Variants in LRP1B observed in about 807,000 individuals in gnomAD.
LRP1B encodes low-density lipoprotein receptor-related protein 1B.
A neutral mutation model predicts 556.6 loss-of-function variants in LRP1B; 217 were observed. The ratio of observed to expected loss-of-function variants is 0.39; its 90% CI spans 0.35 to 0.44. The LOEUF is 0.44. Ranked by LOEUF, LRP1B falls within the 20% of genes least tolerant of loss-of-function variation. The pLI is 1.00. For missense variants in LRP1B, 5,053 were observed against 5,620.8 expected, an observed-to-expected ratio of 0.90 and a Z score of 3.23; for synonymous variants, 2,047 against 1,865.8, an observed-to-expected ratio of 1.10 and a Z score of -2.50.
intron 2 of LRP1B, among the ~76,000 whole-genome samples, chr2:141,704,673 T>C (rs949316468): frequency 5.9e-5 from 9 of 151,960 alleles, no homozygotes; most frequent in Admixed American, 1.3e-4. Flanking sequence ...TCAGACTAGA[T>C]GCCTGAAAGC....
chr2:141,472,857 A>C (rs1318625169), intron 3 of LRP1B, among the ~76,000 whole-genome samples: 1 of 152,146 alleles, frequency 6.6e-6, no homozygotes, highest in Non-Finnish European at 1.5e-5. Flanking sequence ...ATTCTTAAAA[A>C]ATAATTCTGT....
intron 1 of LRP1B, among the ~76,000 whole-genome samples, chr2:141,990,400 T>C (rs1702311264): frequency 6.6e-6 from 1 of 152,084 alleles, no homozygotes; most frequent in Non-Finnish European, 1.5e-5. Flanking sequence ...AGCTATCCAT[T>C]TTTAAAATTT....
chr2:140,727,178 T>C (rs1248588356), intron 35 of LRP1B, among the ~76,000 whole-genome samples: 1 of 152,210 alleles, frequency 6.6e-6, no homozygotes, highest in East Asian at 1.9e-4. Flanking sequence ...GAAATCTCTT[T>C]TTGAGTAGAT....
At chr2:141,915,858 A>G (rs13015563) in intron 1 of LRP1B, among the ~76,000 whole-genome samples, 12 of 152,294 alleles carry the variant, frequency 7.9e-5, no homozygotes, top group African/African-American at 2.9e-4. Context: ...TCAGAGAAAT[A>G]CAAATCCAAA....
At chr2:140,605,784 G>A (rs1682846703) in intron 41 of LRP1B, among the ~76,000 whole-genome samples, 1 of 151,476 alleles carries the variant, frequency 6.6e-6, no homozygotes, top group Admixed American at 6.6e-5. Context: ...TTGAATGACG[G>A]GCTTATTTGA....
intron 43 of LRP1B, among the ~76,000 whole-genome samples, chr2:140,561,833 A>AAT (rs1680942589): frequency 6.6e-6 from 1 of 152,128 alleles, no homozygotes; most frequent in African/African-American, 2.4e-5. Context: ...CTACCAATCT[A>AAT]AATATTTTAA....
chr2:141,193,297 G>A (rs2105206174), intron 6 of LRP1B, among the ~76,000 whole-genome samples: 1 of 151,974 alleles, frequency 6.6e-6, no homozygotes, highest in South Asian at 2.1e-4. Flanking sequence ...GTTTAACACA[G>A]CACTATAAGC....
rs1175670259 is a variant in LRP1B at position 140,864,681 on chromosome 2, CTTAA to C, written c.4579+2905_4579+2908del. Among the ~76,000 whole-genome samples the C allele has an allele frequency of 3.9e-5, 6 of 151,946 alleles. No homozygotes were observed. In the Middle Eastern group the frequency reaches 0.01, roughly 260 times the overall value. ...CTATTATTTTTTAATATACCTGAAACTTAATTAATAGTTGTATTTTACTGATAAA... is the reference window on the plus strand; with the variant it reads ...CTATTATTTTTTAATATACCTGAAACTTAATAGTTGTATTTTACTGATAAA... On this transcript the variant is annotated intron_variant, in intron 27 of 90. Coordinates refer to ENST00000389484, the MANE Select transcript of LRP1B (RefSeq NM_018557.3).
chr2:142,030,113 A>T lies in LRP1B; in HGVS notation c.82+100535T>A, dbSNP rs1286215498. On this transcript the variant is annotated intron_variant, in intron 1 of 90. Coordinates refer to ENST00000389484, the MANE Select transcript of LRP1B (RefSeq NM_018557.3). Reference sequence around the variant, plus strand: ...ATTTTAATGCATCTATATGGTGATCATATATGCGTGTATTCTACATGTGTA... The same window carrying T: ...ATTTTAATGCATCTATATGGTGATCTTATATGCGTGTATTCTACATGTGTA... Among the ~76,000 whole-genome samples the T allele has an allele frequency of 4.0e-5, 6 of 151,638 alleles. No individual in the cohort carries two copies. The East Asian group carries it at 1.2e-3, about 30-fold the overall frequency.
intron 18 of LRP1B, among the ~76,000 whole-genome samples, chr2:140,970,560 G>A (rs980449435): frequency 2.0e-5 from 3 of 152,000 alleles, no homozygotes; most frequent in Non-Finnish European, 4.4e-5. Flanking sequence ...TCTGTTGCTG[G>A]CGAGGAGCTA....
intron 1 of LRP1B, among the ~76,000 whole-genome samples, chr2:142,058,080 G>T (rs1387444401): frequency 2.6e-5 from 4 of 152,076 alleles, no homozygotes; most frequent in African/African-American, 4.8e-5. Context: ...ATGTACTTTT[G>T]CTTTCACACT....
At chr2:141,812,899 C>T (rs756011527) in intron 1 of LRP1B, among the ~76,000 whole-genome samples, 113 of 150,608 alleles carry the variant, frequency 7.5e-4, no homozygotes, top group African/African-American at 2.7e-3. Flanking sequence ...TAGACTTAAA[C>T]AATGGATGGC....
chr2:141,300,218 T>C (rs1045772414), intron 3 of LRP1B, among the ~76,000 whole-genome samples: 1 of 152,218 alleles, frequency 6.6e-6, no homozygotes. Context: ...ATGCAGTCTA[T>C]GGTACTCTGT....
chr2:141,375,258 A>G (rs77485287), intron 3 of LRP1B, among the ~76,000 whole-genome samples: 17 of 152,274 alleles, frequency 1.1e-4, no homozygotes, highest in Non-Finnish European at 2.2e-4. Context: ...TAAGGCTCCA[A>G]TGGTGGCAGC....
At chr2:140,819,573 G>C (rs1248734897) in intron 31 of LRP1B, among the ~76,000 whole-genome samples, 3 of 151,824 alleles carry the variant, frequency 2.0e-5, no homozygotes, top group Admixed American at 2.0e-4. Context: ...ACAGAAAAGA[G>C]AACAGAGAAG....
At chr2:140,806,245 T>C in intron 32 of LRP1B, among the ~76,000 whole-genome samples, 1 of 152,114 alleles carries the variant, frequency 6.6e-6, no homozygotes, top group East Asian at 1.9e-4. Context: ...TCAGCCTATG[T>C]TAATTTGCTA....
chr2:140,660,931 T>C (rs1352224005), intron 41 of LRP1B, among the ~76,000 whole-genome samples: 2 of 151,826 alleles, frequency 1.3e-5, no homozygotes, highest in Non-Finnish European at 2.9e-5. Context: ...CAGATAAATG[T>C]ATGCTTTTGT....
intron 20 of LRP1B, among the ~76,000 whole-genome samples, chr2:140,931,209 A>G (rs1447457174): frequency 6.6e-6 from 1 of 152,152 alleles, no homozygotes; most frequent in Non-Finnish European, 1.5e-5. Flanking sequence ...TTCTTCTTAA[A>G]TCAACTAGTC....
chr2:141,275,905 T>G (rs1319658813), intron 3 of LRP1B, among the ~76,000 whole-genome samples: 4 of 141,894 alleles, frequency 2.8e-5, no homozygotes. Context: ...AGCCATGTAA[T>G]GTACATATAT....
Sources: gnomAD v4.1 joint callset for allele counts (sites outside exome capture counted in the v4.1 genomes callset) on GRCh38, gnomAD v4.1.1 for gene constraint, MANE v1.5 for transcripts, NCBI Gene and HGNC (gene_info 2026-07-23, HGNC 2026-07-21) for gene names.